The following STK3 variants were observed in gnomAD, a reference collection of about 807,000 sequenced individuals.
STK3 encodes serine/threonine-protein kinase 3.
STK3 carries 41 observed loss-of-function variants against 58.0 expected under a neutral mutation model. That is an observed-to-expected ratio of 0.71 (90% CI 0.55 to 0.92). The LOEUF is 0.92. Among genes scored for constraint, STK3 ranks in the 40% least tolerant of loss-of-function variants. The pLI, the probability that STK3 is intolerant of heterozygous loss-of-function variation, is 0.00. For missense variants in STK3, 479 were observed against 602.7 expected (o/e 0.79, Z 2.15); for synonymous variants, 170 against 191.0 (o/e 0.89, Z 0.91).
intron 3 of STK3, among the ~76,000 whole-genome samples, chr8:98,394,638 ATTCT>A (rs1280019682): frequency 2.6e-5 from 4 of 152,252 alleles, no homozygotes; most frequent in African/African-American, 9.6e-5. Context: ...TCCTCAAAGG[ATTCT>A]TTATTTCCAA....
At chr8:98,816,813 T>C (rs928797426) in intron 1 of STK3, among the ~76,000 whole-genome samples, 3 of 152,114 alleles carry the variant, frequency 2.0e-5, no homozygotes, top group Admixed American at 6.5e-5. Context: ...GGATTACAGG[T>C]GTGAGCCACC....
chr8:98,573,462 C>T (rs193235524), intron 8 of STK3, among the ~76,000 whole-genome samples: 49 of 151,974 alleles, frequency 3.2e-4, no homozygotes, highest in African/African-American at 9.9e-4. Context: ...ATCACAAGAA[C>T]GGGGTGGTTG....
Position 98,625,342 on chromosome 8 carries a change from T to A in STK3, c.685-29173A>T, listed in dbSNP as rs542759257. On this transcript the variant is annotated intron_variant, in intron 6 of 10. Transcript: ENST00000419617. ...TTATAGTAAAGATCAAGAAAGGCAG[T>A]AAACAAGAGCAAAGATCTGGAAAGA... 2.0e-5 allele frequency among the ~76,000 whole-genome samples: 3 copies of A among 152,176 alleles called. No homozygotes were observed. The South Asian group carries it at 6.2e-4, about 32-fold the overall frequency.
chr8:98,537,841 T>C (rs930458338), intron 9 of STK3, among the ~76,000 whole-genome samples: 2 of 152,126 alleles, frequency 1.3e-5, no homozygotes, highest in Admixed American at 6.6e-5. Context: ...AAGAAAAAGG[T>C]TGCTTTTCAT....
intron 6 of STK3, chr8:98,598,399 T>A: frequency 1.0e-6 from 1 of 985,374 alleles, no homozygotes; most frequent in Non-Finnish European, 1.2e-6. Flanking sequence ...TGAACAAGCA[T>A]GAACACCGAG....
In STK3 at chr8:98,505,612, C is replaced by G. The variant is rs184950039; in HGVS notation, c.1317+21130G>C. Reference sequence around the variant, plus strand: ...CCTTTATGTTGATGTTGATGCTATTCCTTTCTGTTTGTTAGTTTTCCTTCT... The same window carrying G: ...CCTTTATGTTGATGTTGATGCTATTGCTTTCTGTTTGTTAGTTTTCCTTCT... On this transcript the variant is annotated intron_variant, in intron 10 of 10. Coordinates refer to ENST00000419617, the MANE Select transcript of STK3 (RefSeq NM_006281.4). Among the ~76,000 whole-genome samples, 282 of 152,242 alleles carry G rather than the reference C, an allele frequency of 1.9e-3. 2 individuals carry two copies. Among genetic ancestry groups the G allele is most frequent in the Middle Eastern group, 6.8e-3 (2 of 294 alleles).
At chr8:98,838,158 G>A (rs1004506408) in intron 3 of STK3, among the ~76,000 whole-genome samples, 1 of 151,226 alleles carries the variant, frequency 6.6e-6, no homozygotes, top group Non-Finnish European at 1.5e-5. Flanking sequence ...CAGAAGAATC[G>A]CTTGAACCCT....
chr8:98,444,341 G>C (rs1818841463), intron 1 of STK3, among the ~76,000 whole-genome samples: 1 of 152,144 alleles, frequency 6.6e-6, no homozygotes, highest in African/African-American at 2.4e-5. Context: ...GTGGGGCCCT[G>C]GTCAGAGAGG....
At chr8:98,708,647 T>C (rs1334468869) in intron 4 of STK3, among the ~76,000 whole-genome samples, 1 of 152,216 alleles carries the variant, frequency 6.6e-6, no homozygotes. Flanking sequence ...TGCTAAGAGT[T>C]ATGCATGCAT....
chr8:98,803,268 GAATGAATAAA>G (rs1833685067), intron 1 of STK3, among the ~76,000 whole-genome samples: 1 of 152,046 alleles, frequency 6.6e-6, no homozygotes, highest in African/African-American at 2.4e-5. Flanking sequence ...TCTATACTTT[GAATGAATAAA>G]CTGGCCACGG....
rs188131242 is a variant in STK3, at chr8:98,605,586, C to T, written c.685-9417G>A. 3.5e-3 allele frequency among the ~76,000 whole-genome samples: 529 copies of T among 152,136 alleles called. 2 individuals are homozygous for T. The highest frequency in any genetic ancestry group is 5.8e-3 in the Non-Finnish European group (392 of 68,012). The stretch of plus-strand genomic sequence containing the variant: ...TACTTCCTCCCTCTCTGTCTTCGCC[C>T]TGCCCCCAGCTATCCGTCTATACTA... On this transcript the variant is annotated intron_variant, in intron 6 of 10. Transcript: ENST00000419617.
intron 10 of STK3, among the ~76,000 whole-genome samples, chr8:98,475,602 A>T (rs991258026): frequency 2.6e-5 from 4 of 152,220 alleles, no homozygotes; most frequent in African/African-American, 9.6e-5. Flanking sequence ...CTGACCTGAA[A>T]CACCATCCAT....
intron 3 of STK3, among the ~76,000 whole-genome samples, chr8:98,860,630 AT>A (rs1166827794): frequency 4.6e-5 from 7 of 152,132 alleles, no homozygotes; most frequent in African/African-American, 7.2e-5. Flanking sequence ...AAGGAGATCA[AT>A]TTTTTTTAAA....
intron 6 of STK3, among the ~76,000 whole-genome samples, chr8:98,629,340 A>T (rs1348967619): frequency 1.3e-5 from 2 of 152,228 alleles, no homozygotes; most frequent in Admixed American, 6.5e-5. Context: ...CCTAGTACAG[A>T]AACCTTTTTT....
intron 10 of STK3, among the ~76,000 whole-genome samples, chr8:98,516,772 T>C (rs1398677482): frequency 1.3e-5 from 2 of 152,040 alleles, no homozygotes; most frequent in African/African-American, 4.8e-5. Flanking sequence ...AGATCTTTCA[T>C]TAGCAAAGAT....
upstream of STK3, among the ~76,000 whole-genome samples, chr8:98,830,306 CGA>C (rs1313191687): frequency 6.6e-6 from 1 of 151,938 alleles, no homozygotes; most frequent in African/African-American, 2.4e-5. Context: ...AAGGCCTCAA[CGA>C]GAGAGTGACT....
chr8:98,509,532 T>A (rs1824344471), intron 10 of STK3, among the ~76,000 whole-genome samples: 1 of 151,984 alleles, frequency 6.6e-6, no homozygotes, highest in Non-Finnish European at 1.5e-5. Context: ...AGAATTACTT[T>A]GACATTTAAA....
chr8:98,356,591 G>A, the STK3 span, among the ~76,000 whole-genome samples: 1 of 152,212 alleles, frequency 6.6e-6, no homozygotes, highest in Non-Finnish European at 1.5e-5. Flanking sequence ...GATCCCAAAT[G>A]TGGGAATGCT....
chr8:98,474,969 G>C (rs886385571), intron 10 of STK3, among the ~76,000 whole-genome samples: 4 of 152,050 alleles, frequency 2.6e-5, no homozygotes, highest in Admixed American at 2.6e-4. Flanking sequence ...AAGAATAAGA[G>C]CCATCTTACA....
Sources: allele counts gnomAD v4.1 joint callset (sites outside exome capture counted in the v4.1 genomes callset), GRCh38; gene constraint gnomAD v4.1.1; transcripts MANE v1.5; gene names NCBI Gene and HGNC (gene_info 2026-07-23, HGNC 2026-07-21).